KMT5B: variants seen among roughly 807,000 people sequenced by gnomAD.
KMT5B encodes histone-lysine N-methyltransferase KMT5B.
In KMT5B, 10 loss-of-function variants were observed where a neutral mutation model predicts 83.2. That is an observed-to-expected ratio of 0.12 (90% CI 0.07 to 0.20). The LOEUF is 0.20. Ranked by LOEUF, KMT5B falls within the 10% of genes least tolerant of loss-of-function variation. The pLI is 1.00. For synonymous variants in KMT5B, 349 were observed against 388.8 expected (o/e 0.90, Z 1.20); for missense variants, 753 against 1,067.2 (o/e 0.71, Z 4.10).
At chr11:68,167,300 A>G in intron 9 of KMT5B, 122 bp from the exon 10 acceptor site, 1 of 1,190,800 alleles carries the variant, frequency 8.4e-7, no homozygotes, top group Non-Finnish European at 1.1e-6. Flanking sequence ...CTTAATCACC[A>G]CTGGAAACCG....
chr11:68,205,185 C>T (rs2153087690), intron 1 of KMT5B, among the ~76,000 whole-genome samples: 1 of 151,808 alleles, frequency 6.6e-6, no homozygotes, highest in South Asian at 2.1e-4. Context: ...AGTTGTGCTG[C>T]TGCGCAACTT....
chr11:68,202,368 T>A (rs1859544218), intron 1 of KMT5B, among the ~76,000 whole-genome samples: 1 of 152,176 alleles, frequency 6.6e-6, no homozygotes, highest in Non-Finnish European at 1.5e-5. Flanking sequence ...GCCTTTGCAC[T>A]TGGGGTGCCG....
intron 3 of KMT5B, among the ~76,000 whole-genome samples, chr11:68,183,967 TAATC>T (rs1431089194): frequency 6.6e-6 from 1 of 152,168 alleles, no homozygotes; most frequent in African/African-American, 2.4e-5. Context: ...GCCTGGATCT[TAATC>T]AATCAGGGCA....
At position 68,180,351 on chromosome 11, in the gene KMT5B, G is replaced by A. The variant is rs1351891048; in HGVS notation, c.309-151C>T. 9 of 998,582 alleles carry A rather than the reference G, an allele frequency of 9.0e-6. No individual in the cohort carries two copies. In the East Asian group the frequency reaches 1.1e-4, roughly 12 times the overall value. The allele number at this position is 998,582 out of a possible 1,614,324, so 61.9% of individuals were successfully genotyped here. On this transcript the variant is annotated intron_variant, in intron 3 of 10. Transcript: ENST00000304363. The stretch of plus-strand genomic sequence containing the variant: ...ACTTTAAGATACCACAGGTGGGCGC[G>A]GCAGGATAGAAGCCATGCTGCTGAA...
chr11:68,211,975 A>G (rs1444421796), intron 1 of KMT5B, among the ~76,000 whole-genome samples: 1 of 152,240 alleles, frequency 6.6e-6, no homozygotes, highest in Non-Finnish European at 1.5e-5. Flanking sequence ...CTTCAGATAC[A>G]CAATAAATCT....
chr11:68,180,852 T>C (rs1257922630), intron 3 of KMT5B, among the ~76,000 whole-genome samples: 2 of 152,188 alleles, frequency 1.3e-5, no homozygotes, highest in African/African-American at 4.8e-5. Context: ...TTTTTCTTGT[T>C]AAAAAGAAAA....
At chr11:68,175,832 G>A (rs1474505058) in intron 4 of KMT5B, among the ~76,000 whole-genome samples, 2 of 151,764 alleles carry the variant, frequency 1.3e-5, no homozygotes, top group African/African-American at 4.8e-5. Context: ...TGCATTCAGA[G>A]AACAAAACGA....
At chr11:68,175,607 T>TAGAATGACAAGAATCTTTTTAAA (rs1856286584) in intron 4 of KMT5B, among the ~76,000 whole-genome samples, 1 of 152,162 alleles carries the variant, frequency 6.6e-6, no homozygotes, top group African/African-American at 2.4e-5. Context: ...AATTTAGAGT[T>TAGAATGACAAGAATCTTTTTAAA]AGAATGACAA....
chr11:68,176,471 T>G (rs1296635645), intron 4 of KMT5B: 3 of 152,228 alleles, frequency 2.0e-5, no homozygotes, highest in Non-Finnish European at 4.4e-5. Flanking sequence ...AAGTTTTATT[T>G]TATTTTCATA....
chr11:68,197,421 T>C (rs963394625), intron 1 of KMT5B, among the ~76,000 whole-genome samples: 7 of 152,250 alleles, frequency 4.6e-5, no homozygotes, highest in African/African-American at 1.7e-4. Flanking sequence ...CTTATTCATT[T>C]TATCATGTTA....
At chr11:68,191,618 G>GC (rs1309595336) in intron 1 of KMT5B, among the ~76,000 whole-genome samples, 1 of 152,196 alleles carries the variant, frequency 6.6e-6, no homozygotes, top group Non-Finnish European at 1.5e-5. Flanking sequence ...ATAGGCGTGA[G>GC]CCACTGTATG....
chr11:68,186,734 A>C (rs1259823200), intron 2 of KMT5B, among the ~76,000 whole-genome samples: 1 of 152,228 alleles, frequency 6.6e-6, no homozygotes, highest in Non-Finnish European at 1.5e-5. Context: ...TGGAATCAGC[A>C]CATCATTTAT....
chr11:68,192,907 G>T (rs1025467877), intron 1 of KMT5B, among the ~76,000 whole-genome samples: 6 of 152,166 alleles, frequency 3.9e-5, no homozygotes, highest in Non-Finnish European at 5.9e-5. Flanking sequence ...ACTGTATTCG[G>T]TAATGTAAAT....
chr11:68,199,598 T>C (rs1859163068), intron 1 of KMT5B, among the ~76,000 whole-genome samples: 2 of 152,126 alleles, frequency 1.3e-5, no homozygotes, highest in Non-Finnish European at 2.9e-5. Flanking sequence ...AGTGACACGA[T>C]CCAACCCACA....
chr11:68,199,882 C>T (rs1205830668), intron 1 of KMT5B, among the ~76,000 whole-genome samples: 1 of 152,102 alleles, frequency 6.6e-6, no homozygotes, highest in Non-Finnish European at 1.5e-5. Context: ...AAAGAGGACT[C>T]AAAAATACCT....
At chr11:68,172,417 A>G (rs1247209301) in intron 6 of KMT5B, among the ~76,000 whole-genome samples, 2 of 147,046 alleles carry the variant, frequency 1.4e-5, no homozygotes, top group African/African-American at 5.1e-5. Flanking sequence ...TTGTATTTTT[A>G]CTAGAGATGG....
At chr11:68,185,655 C>A in intron 3 of KMT5B, 126 bp downstream of exon 3, 1 of 875,500 alleles carries the variant, frequency 1.1e-6, no homozygotes, top group Non-Finnish European at 1.7e-6. Context: ...AGACAGAAAA[C>A]CCTTCCACTG....
chr11:68,211,643 C>T (rs902771964), intron 1 of KMT5B, among the ~76,000 whole-genome samples: 2 of 152,158 alleles, frequency 1.3e-5, no homozygotes, highest in Admixed American at 6.5e-5. Flanking sequence ...CACGAGTAAC[C>T]ACCCCAACGG....
intron 10 of KMT5B, chr11:68,166,011 A>G (rs554694400): frequency 1.9e-6 from 3 of 1,612,288 alleles, no homozygotes; most frequent in African/African-American, 1.3e-5. Flanking sequence ...AGAAGAACCT[A>G]AAATAATCAG....
Sources: allele counts gnomAD v4.1 joint callset (sites outside exome capture counted in the v4.1 genomes callset), GRCh38; gene constraint gnomAD v4.1.1; transcripts MANE v1.5; gene names NCBI Gene and HGNC (gene_info 2026-07-23, HGNC 2026-07-21).